Variants in PCSK5 observed in about 807,000 individuals in gnomAD.
The protein encoded by PCSK5 is prohormone convertase 5.
Under a neutral mutation model 233.2 loss-of-function variants are expected in PCSK5, and 129 were observed. That is an observed-to-expected ratio of 0.55 (90% confidence interval 0.48 to 0.64). The LOEUF is 0.64. Among genes scored for constraint, PCSK5 ranks in the 30% least tolerant of loss-of-function variants. PCSK5 has a pLI of 0.00. For missense variants in PCSK5, 2,076 were observed against 2,430.1 expected, an observed-to-expected ratio of 0.85 and a Z score of 3.06; for synonymous variants, 825 against 879.2, an observed-to-expected ratio of 0.94 and a Z score of 1.09.
intron 5 of PCSK5, among the ~76,000 whole-genome samples, chr9:76,041,034 C>T (rs1453126449): frequency 6.6e-6 from 1 of 152,192 alleles, no homozygotes; most frequent in African/African-American, 2.4e-5. Context: ...CTGGAGTCTG[C>T]TGATGGATCT....
At chr9:76,250,612 T>G (rs143632163) in intron 24 of PCSK5, among the ~76,000 whole-genome samples, 41 of 152,300 alleles carry the variant, frequency 2.7e-4, no homozygotes, top group African/African-American at 9.9e-4. Flanking sequence ...AAATACCCAA[T>G]TAATACTCAA....
At chr9:76,154,884 G>A (rs1823823227) in intron 10 of PCSK5, among the ~76,000 whole-genome samples, 1 of 152,090 alleles carries the variant, frequency 6.6e-6, no homozygotes, top group Non-Finnish European at 1.5e-5. Context: ...CATTTCTTCT[G>A]TATCATGTGA....
intron 10 of PCSK5, among the ~76,000 whole-genome samples, chr9:76,154,193 T>G (rs992297702): frequency 1.3e-5 from 2 of 152,192 alleles, no homozygotes; most frequent in African/African-American, 4.8e-5. Flanking sequence ...TTTTTTTCGG[T>G]TGACCAGTCT....
At chr9:76,308,148 G>A (rs1008722659) in intron 28 of PCSK5, among the ~76,000 whole-genome samples, 1 of 152,188 alleles carries the variant, frequency 6.6e-6, no homozygotes, top group African/African-American at 2.4e-5. Flanking sequence ...AGTGAGCCAA[G>A]ATCACACCAC....
In PCSK5 at chr9:76,148,364, TCTCTCTC is replaced by T. The variant is rs1564062074; in HGVS notation, c.1313-8679_1313-8673del. Among the ~76,000 whole-genome samples the T allele has an allele frequency of 5.5e-4, 79 of 144,780 alleles. 1 individual carries two copies. Among genetic ancestry groups the T allele is most frequent in the African/African-American group, 1.9e-3 (74 of 39,100 alleles). 95.0% of individuals were successfully genotyped at this position (144,780 alleles called of 152,430 possible). On this transcript the variant is annotated intron_variant, in intron 10 of 37. Transcript: ENST00000674117. ...GAGTTTCTCTCTCCCTCTCTCTCCCTCTCTCTCCCTCTCTCCTTTCCTCTCCCATCCT... is the reference window on the plus strand; with the variant it reads ...GAGTTTCTCTCTCCCTCTCTCTCCCTCCTCTCTCCTTTCCTCTCCCATCCT...
Position 76,069,554 on chromosome 9 carries a change from G to A in PCSK5, c.721+1511G>A, listed in dbSNP as rs139095565. Among the ~76,000 whole-genome samples, 9 of 151,922 alleles carry A rather than the reference G, an allele frequency of 5.9e-5. No individual in the cohort carries two copies. In the East Asian group the frequency reaches 1.7e-3, roughly 29 times the overall value. Reference sequence around the variant, plus strand: ...TTAACCCCCATACCCAAGGCATGAAGGCTTGGAGTTAAATGAGGAAAAAGC... The same window carrying A: ...TTAACCCCCATACCCAAGGCATGAAAGCTTGGAGTTAAATGAGGAAAAAGC... On this transcript the variant is annotated intron_variant, in intron 6 of 37. Coordinates refer to ENST00000674117, the MANE Select transcript of PCSK5 (RefSeq NM_001372043.1).
At chr9:75,948,102 C>T (rs1248653921) in intron 2 of PCSK5, among the ~76,000 whole-genome samples, 2 of 152,072 alleles carry the variant, frequency 1.3e-5, no homozygotes, top group African/African-American at 2.4e-5. Flanking sequence ...CTGCCTCAGA[C>T]TCCCAAAGTG....
Position 76,151,008 on chromosome 9 carries a change from T to TAAA in PCSK5, c.1313-6024_1313-6022dup, listed in dbSNP as rs10624054. Among the ~76,000 whole-genome samples, 700 of 142,338 alleles carry TAAA rather than the reference T, an allele frequency of 4.9e-3. 7 individuals carry two copies. Among genetic ancestry groups the TAAA allele is most frequent in the African/African-American group, 0.014 (527 of 38,848 alleles). 93.4% of individuals were successfully genotyped at this position (142,338 alleles called of 152,430 possible). On this transcript the variant is annotated intron_variant, in intron 10 of 37. Transcript: ENST00000674117. ...CATATTTAGCTGTTTCTTTTTACAT[T>TAAA]AAAAAAAAAAAAAAACTATACTTAG...
At chr9:76,009,496 G>A (rs796824590) in intron 3 of PCSK5, among the ~76,000 whole-genome samples, 120 of 151,886 alleles carry the variant, frequency 7.9e-4, no homozygotes, top group African/African-American at 2.6e-3. Context: ...GCATGGTGGC[G>A]GGTGCCTGTA....
chr9:76,187,196 A>G (rs904673893), intron 17 of PCSK5, among the ~76,000 whole-genome samples: 3 of 152,174 alleles, frequency 2.0e-5, no homozygotes, highest in African/African-American at 4.8e-5. Flanking sequence ...AAAGCAGTCA[A>G]TTAAGATGTC....
intron 24 of PCSK5, among the ~76,000 whole-genome samples, chr9:76,279,340 C>G (rs369004300): frequency 6.7e-6 from 1 of 149,000 alleles, no homozygotes; most frequent in Non-Finnish European, 1.5e-5. Flanking sequence ...GGTTCCAAGT[C>G]TTTGCTATTG....
intron 7 of PCSK5, among the ~76,000 whole-genome samples, chr9:76,086,823 A>G (rs77166841): frequency 0.016 from 2,386 of 152,232 alleles, 51 homozygotes; most frequent in South Asian, 0.068. Flanking sequence ...AGAAATGTAA[A>G]ATTATACTGA....
chr9:76,356,809 A>C (rs1830314339), intron 37 of PCSK5, among the ~76,000 whole-genome samples: 1 of 152,258 alleles, frequency 6.6e-6, no homozygotes, highest in Non-Finnish European at 1.5e-5. Context: ...CCTTGGCAGC[A>C]GTGTTATATT....
intron 35 of PCSK5, among the ~76,000 whole-genome samples, chr9:76,345,606 T>C (rs11144843): frequency 0.26 from 39,133 of 151,474 alleles, 5,198 homozygotes; most frequent in Middle Eastern, 0.42. Flanking sequence ...ATATTTTTAG[T>C]AGAGACGGGG....
chr9:75,934,458 A>G (rs1186524632), intron 2 of PCSK5, among the ~76,000 whole-genome samples: 4 of 152,084 alleles, frequency 2.6e-5, no homozygotes, highest in African/African-American at 9.7e-5. Context: ...ATTTGGAGAC[A>G]CATTGGTGCC....
At chr9:76,107,099 G>T in intron 8 of PCSK5, 152 bp from the exon 9 acceptor site, 1 of 531,444 alleles carries the variant, frequency 1.9e-6, no homozygotes, top group South Asian at 2.6e-5. Flanking sequence ...CAATTCTCTG[G>T]AAGTGATATG....
intron 20 of PCSK5, among the ~76,000 whole-genome samples, chr9:76,224,602 A>G (rs17062239): frequency 0.25 from 38,371 of 152,114 alleles, 5,507 homozygotes; most frequent in African/African-American, 0.38. Flanking sequence ...GGAGTCACCT[A>G]GGATGATGTA....
At chr9:76,339,825 G>T (rs771138061) in intron 35 of PCSK5, among the ~76,000 whole-genome samples, 1 of 152,114 alleles carries the variant, frequency 6.6e-6, no homozygotes, top group African/African-American at 2.4e-5. Flanking sequence ...TTACATGTGT[G>T]AGCCACCGCA....
chr9:75,897,345 C>A (rs1463831408), intron 1 of PCSK5, among the ~76,000 whole-genome samples: 2 of 151,982 alleles, frequency 1.3e-5, no homozygotes, highest in African/African-American at 4.8e-5. Context: ...GATAGCTACA[C>A]TTTTCCCCCA....
Sources: gnomAD v4.1 joint callset for allele counts (sites outside exome capture counted in the v4.1 genomes callset) on GRCh38, gnomAD v4.1.1 for gene constraint, MANE v1.5 for transcripts, NCBI Gene and HGNC (gene_info 2026-07-23, HGNC 2026-07-21) for gene names.